The following ISM2 variants were observed in gnomAD, a reference collection of about 807,000 sequenced individuals.
ISM2 encodes the protein isthmin-2.
ISM2 carries 50 observed loss-of-function variants against 58.0 expected under a neutral mutation model. The observed-to-expected ratio is 0.86, with a 90% CI of 0.69 to 1.09. ISM2 has a LOEUF of 1.09. ISM2 is among the 50% of genes least tolerant of loss of function. ISM2 has a pLI of 0.00. For missense variants in ISM2, 723 were observed against 745.0 expected, an observed-to-expected ratio of 0.97 and a Z score of 0.34; for synonymous variants, 303 against 312.4, an observed-to-expected ratio of 0.97 and a Z score of 0.32.
At position 77,498,682 on chromosome 14, in the gene ISM2, G is replaced by T; in HGVS notation, c.112C>A (p.Arg38=). 6.8e-7 allele frequency: 1 copy of T among 1,480,396 alleles called. No individual in the cohort carries two copies. Among genetic ancestry groups the T allele is most frequent in the Non-Finnish European group, 8.9e-7 (1 of 1,123,550 alleles). 91.7% of individuals were successfully genotyped at this position (1,480,396 alleles called of 1,614,324 possible). The change falls in exon 1 of 7, where the codon CGG becomes AGG. Residue 38 remains arginine, a synonymous_variant. Transcript: ENST00000342219. Reference sequence around the variant, plus strand: ...GCGAGCCTCGTGAGGCTCCCAGGCCGTGGTCCGCGGAGCCGCGGCTTCTTC... The same window carrying T: ...GCGAGCCTCGTGAGGCTCCCAGGCCTTGGTCCGCGGAGCCGCGGCTTCTTC... The part of the protein sequence containing the change: ...PVKKPRLRGP[R]PGSLTRLAEV...
chr14:77,485,017 G>A, intron 1 of ISM2, 98 bp from the exon 2 acceptor site: 3 of 1,317,424 alleles, frequency 2.3e-6, no homozygotes, highest in Non-Finnish European at 3.1e-6. Flanking sequence ...CCTGGGGTCT[G>A]ACCGGGTCAT....
rs377494984 is a variant in ISM2, at chr14:77,484,764, G to A, written c.297C>T (p.Thr99=). 24 of 1,612,108 alleles carry A rather than the reference G, an allele frequency of 1.5e-5. No homozygotes were observed. The highest frequency in any genetic ancestry group is 4.0e-5 in the African/African-American group (3 of 74,278). ...CCAGCCGCAACGGAGTAACCTCTGG[G>A]GTCCTGGGAGGGGTGGCGTTGCCTG... ...MTPGNATPPR[T]PEVTPLRLEL... is the part of the protein sequence containing the mutation. The change falls in exon 2 of 7, where the codon ACC becomes ACT. Residue 99 remains threonine, a synonymous_variant. Transcript: ENST00000342219.
At chr14:77,496,799 GAAAAAAAAAAAAAAA>G (rs772342344) in intron 1 of ISM2, among the ~76,000 whole-genome samples, 14 of 25,804 alleles carry the variant, frequency 5.4e-4, no homozygotes, top group African/African-American at 9.2e-4. Flanking sequence ...TCCATCTCAG[GAAAAAAAAAAAAAAA>G]AAAAAAAAAA....
chr14:77,478,789 AC>A, intron 4 of ISM2, 74 bp from the exon 5 acceptor site: 1 of 1,493,248 alleles, frequency 6.7e-7, no homozygotes. Context: ...AGCACAGGGC[AC>A]CCTTTCCTCA....
intron 1 of ISM2, among the ~76,000 whole-genome samples, chr14:77,485,189 TGAA>T (rs1380613860): frequency 6.6e-6 from 1 of 152,226 alleles, no homozygotes. Flanking sequence ...GTGTAAGGCA[TGAA>T]AAGGAGGGTC....
At chr14:77,484,280 C>T in intron 3 of ISM2, 43 bp downstream of exon 3, 3 of 1,593,680 alleles carry the variant, frequency 1.9e-6, no homozygotes, top group Non-Finnish European at 2.6e-6. Flanking sequence ...CCCCGCTCCT[C>T]TCCGGGTGTC....
intron 1 of ISM2, among the ~76,000 whole-genome samples, chr14:77,491,146 T>C (rs2079201142): frequency 6.6e-6 from 1 of 152,226 alleles, no homozygotes; most frequent in Non-Finnish European, 1.5e-5. Context: ...GGCTGGACAA[T>C]GGACCGGGAC....
intron 1 of ISM2, among the ~76,000 whole-genome samples, chr14:77,495,483 A>C (rs1037596843): frequency 1.3e-5 from 2 of 152,242 alleles, no homozygotes; most frequent in Non-Finnish European, 2.9e-5. Flanking sequence ...ATTCATGCCA[A>C]GTGAGCAGAA....
At chr14:77,498,582 C>T (rs1450615726) in intron 1 of ISM2, 71 bp downstream of exon 1, 1 of 1,390,192 alleles carries the variant, frequency 7.2e-7, no homozygotes, top group South Asian at 1.5e-5. Flanking sequence ...GCTCCCCGCA[C>T]GGCTGGAGCC....
chr14:77,487,393 GCTT>G (rs1317146426), intron 1 of ISM2, among the ~76,000 whole-genome samples: 1 of 152,182 alleles, frequency 6.6e-6, no homozygotes, highest in Non-Finnish European at 1.5e-5. Context: ...GCCTCTGTGA[GCTT>G]CTTCATCTGC....
Position 77,484,437 on chromosome 14 carries a change from G to A in ISM2, c.513C>T (p.Thr171=). 6.2e-7 allele frequency: 1 copy of A among 1,612,884 alleles called. No homozygotes were observed. The highest frequency in any genetic ancestry group is 8.5e-7 in the Non-Finnish European group (1 of 1,179,524). The part of the protein sequence containing the change: ...CWTVTEPAAL[T]PGNATPPRTQ... ...TCCTGGGAGGCGTGGCATTCCCTGGGGTCAGGGCTGCTGGCTCAGTGACAG... is the reference window on the plus strand; with the variant it reads ...TCCTGGGAGGCGTGGCATTCCCTGGAGTCAGGGCTGCTGGCTCAGTGACAG... The change falls in exon 3 of 7, where the codon ACC becomes ACT. Residue 171 remains threonine (T), a synonymous_variant. Coordinates refer to ENST00000342219, the MANE Select transcript of ISM2 (RefSeq NM_199296.3).
At chr14:77,496,931 T>C (rs1318817528) in intron 1 of ISM2, among the ~76,000 whole-genome samples, 1 of 149,442 alleles carries the variant, frequency 6.7e-6, no homozygotes, top group Non-Finnish European at 1.5e-5. Context: ...CATCCTCAAG[T>C]GCAGCCAGTC....
rs2079266683 is a variant in ISM2, at chr14:77,498,794, C to A, written c.-1G>T. The A allele has an allele frequency of 2.8e-6, 4 of 1,431,512 alleles. No individual in the cohort carries two copies. Among genetic ancestry groups the A allele is most frequent in the Non-Finnish European group, 2.7e-6 (3 of 1,102,166 alleles). The allele number at this position is 1,431,512 out of a possible 1,614,324, so 88.7% of individuals were successfully genotyped here. Reference sequence around the variant, plus strand: ...CGGCTCGGTCGCGGAGCGCACGCATCGTCTCGGTTCCGAGGCTGCTCTGCC... The same window carrying A: ...CGGCTCGGTCGCGGAGCGCACGCATAGTCTCGGTTCCGAGGCTGCTCTGCC... On this transcript the variant is annotated 5_prime_UTR_variant, in exon 1 of 7. Transcript: ENST00000342219.
chr14:77,480,709 C>T (rs975862347), intron 4 of ISM2, among the ~76,000 whole-genome samples: 17 of 151,438 alleles, frequency 1.1e-4, no homozygotes, highest in South Asian at 2.1e-4. Flanking sequence ...AGGCAGGCGC[C>T]GCTGTGCCCA....
chr14:77,481,348 TA>T (rs112409113), intron 4 of ISM2, among the ~76,000 whole-genome samples: 36 of 146,084 alleles, frequency 2.5e-4, no homozygotes, highest in Admixed American at 4.1e-4. Context: ...TCAAAAAAAT[TA>T]AAAAAAAAAA....
Position 77,475,612 on chromosome 14 carries a change from C to T in ISM2, c.1699G>A (p.Glu567Lys). The T allele has an allele frequency of 1.3e-6, 2 of 1,585,018 alleles. No homozygotes were observed. The highest frequency in any genetic ancestry group is 2.2e-5 in the East Asian group (1 of 44,488). The part of the protein sequence containing the change: ...LEEEYLAQLQ[E>K]AKEY ...CCCCGTCACTAGTACTCCTTGGCCT[C>T]CTGCAACTGTGCTAGGTACTCCTCC... The change falls in exon 7 of 7, where the codon GAG (glutamate) becomes AAG (lysine). Residue 567 changes from glutamate (E) to lysine (K), a missense_variant. Physicochemically the swap from Glu to Lys is moderately conservative, Grantham distance 56. Coordinates refer to ENST00000342219, the MANE Select transcript of ISM2 (RefSeq NM_199296.3). The surrounding 1 kb of genome is among the most constrained non-coding windows in gnomAD (Gnocchi z 4.1).
At chr14:77,481,230 C>T (rs940325518) in intron 4 of ISM2, among the ~76,000 whole-genome samples, 5 of 151,872 alleles carry the variant, frequency 3.3e-5, no homozygotes, top group Non-Finnish European at 7.4e-5. Flanking sequence ...ATCTCAGCTA[C>T]TTGGGAGGCT....
At chr14:77,477,401 C>T (rs1051710818) in intron 6 of ISM2, among the ~76,000 whole-genome samples, 2 of 152,158 alleles carry the variant, frequency 1.3e-5, no homozygotes, top group Non-Finnish European at 2.9e-5. Flanking sequence ...GGAACCTTCC[C>T]CAGGATCCAG....
At chr14:77,495,285 CT>C (rs2079232134) in intron 1 of ISM2, among the ~76,000 whole-genome samples, 1 of 152,268 alleles carries the variant, frequency 6.6e-6, no homozygotes, top group Non-Finnish European at 1.5e-5. Flanking sequence ...CTAAGCTCTG[CT>C]TTTTCATTGT....
Sources: allele counts gnomAD v4.1 joint callset (sites outside exome capture counted in the v4.1 genomes callset), GRCh38; gene constraint gnomAD v4.1.1; non-coding constraint Gnocchi (gnomAD v3.1); transcripts MANE v1.5; gene names NCBI Gene and HGNC (gene_info 2026-07-23, HGNC 2026-07-21).